BANK1: variants seen among roughly 807,000 people sequenced by gnomAD.
BANK1 encodes B cell scaffold protein with ankyrin repeats 1.
Under a neutral mutation model 94.5 loss-of-function variants are expected in BANK1, and 95 were observed. The observed-to-expected ratio is 1.00, with a 90% CI of 0.85 to 1.19. BANK1 has a LOEUF of 1.19. Among genes scored for constraint, BANK1 ranks in the 50% most tolerant of loss-of-function variants. BANK1 has a pLI of 0.00. For synonymous variants in BANK1, 334 were observed against 308.4 expected, an observed-to-expected ratio of 1.08 and a Z score of -0.87; for missense variants, 987 against 932.2, an observed-to-expected ratio of 1.06 and a Z score of -0.77.
At chr4:101,980,008 T>G (rs781755611) in intron 7 of BANK1, among the ~76,000 whole-genome samples, 5 of 151,900 alleles carry the variant, frequency 3.3e-5, no homozygotes, top group Non-Finnish European at 5.9e-5. Flanking sequence ...GACTTGTTAG[T>G]CCTTTACTTC....
chr4:101,951,704 G>C (rs1042126845), intron 7 of BANK1, among the ~76,000 whole-genome samples: 3 of 151,924 alleles, frequency 2.0e-5, no homozygotes, highest in Non-Finnish European at 4.4e-5. Context: ...ATTTGTTTTT[G>C]CTCTGATAAA....
chr4:101,792,468 TG>T (rs772244109), intron 1 of BANK1, among the ~76,000 whole-genome samples: 5,777 of 47,420 alleles, frequency 0.12, 188 homozygotes, highest in African/African-American at 0.14. Flanking sequence ...TGTGTGTGTG[TG>T]TTTTTTTTTT....
intron 1 of BANK1, among the ~76,000 whole-genome samples, chr4:101,796,919 A>T (rs1381628004): frequency 6.6e-6 from 1 of 152,150 alleles, no homozygotes; most frequent in Non-Finnish European, 1.5e-5. Flanking sequence ...ATGAGATATA[A>T]AACTAGGGAT....
chr4:101,986,817 A>ATATGTGTATATATATGTATATG (rs1725499134), intron 7 of BANK1, among the ~76,000 whole-genome samples: 1 of 136,932 alleles, frequency 7.3e-6, no homozygotes, highest in Non-Finnish European at 1.5e-5. Flanking sequence ...ATATGTATAT[A>ATATGTGTATATATATGTATATG]TATGTGTATA....
intron 7 of BANK1, among the ~76,000 whole-genome samples, chr4:101,980,474 T>C (rs953303941): frequency 1.3e-5 from 2 of 151,914 alleles, no homozygotes; most frequent in Non-Finnish European, 2.9e-5. Flanking sequence ...TGTTCTCTTT[T>C]TCTGTTCATA....
At chr4:101,872,067 C>G (rs4639076) in intron 5 of BANK1, among the ~76,000 whole-genome samples, 66,606 of 151,710 alleles carry the variant, frequency 0.44, 15,450 homozygotes, top group African/African-American at 0.59. Context: ...AGGGTCATTG[C>G]TTTTCTCAAG....
chr4:102,017,395 C>T (rs1726740759), intron 7 of BANK1, among the ~76,000 whole-genome samples: 1 of 152,150 alleles, frequency 6.6e-6, no homozygotes, highest in African/African-American at 2.4e-5. Flanking sequence ...GCCTGATATT[C>T]ATAACTGTAG....
intron 1 of BANK1, among the ~76,000 whole-genome samples, chr4:101,819,813 A>G (rs1236057800): frequency 6.6e-6 from 1 of 151,552 alleles, no homozygotes; most frequent in Non-Finnish European, 1.5e-5. Context: ...AGAACACTCT[A>G]GAGTAGAGGT....
rs10516487 is a variant in BANK1, at chr4:101,829,919, G to T, written c.182G>T (p.Arg61Leu). The change falls in exon 2 of 17, where the codon CGC (arginine) becomes CTC (leucine). Residue 61 changes from arginine to leucine, a missense_variant. Arg to Leu is a moderately radical substitution (Grantham distance 102). Transcript: ENST00000322953. Reference protein sequence around the residue: ...VVKREAILLYRLENFSFRHLE... With the variant: ...VVKREAILLYLLENFSFRHLE... ...AAAAGGGAAGCCATCCTGTTATATC[G>T]CTTGGAGAATTTCTCTTTTCGGCAT... is the stretch of plus-strand genomic sequence containing the variant. The T allele has an allele frequency of 4.3e-6, 7 of 1,613,570 alleles. No individual in the cohort carries two copies. The East Asian group carries it at 6.7e-5, about 15-fold the overall frequency.
chr4:101,818,471 A>G (rs899070872), intron 1 of BANK1, among the ~76,000 whole-genome samples: 1 of 152,098 alleles, frequency 6.6e-6, no homozygotes, highest in Non-Finnish European at 1.5e-5. Flanking sequence ...AATAACCACC[A>G]TTATATCTTC....
At chr4:101,821,278 G>T (rs929900854) in intron 1 of BANK1, among the ~76,000 whole-genome samples, 7 of 151,996 alleles carry the variant, frequency 4.6e-5, no homozygotes, top group African/African-American at 1.2e-4. Context: ...CATGTCCTTT[G>T]CCCACTTTTT....
intron 5 of BANK1, among the ~76,000 whole-genome samples, chr4:101,879,335 C>A (rs1728595255): frequency 6.6e-6 from 1 of 151,896 alleles, no homozygotes; most frequent in South Asian, 2.1e-4. Flanking sequence ...TATATACCAA[C>A]AAAGTGGAAA....
Position 101,826,775 on chromosome 4 carries a change from C to A in BANK1, c.71-3033C>A, listed in dbSNP as rs1225475143. On this transcript the variant is annotated intron_variant, in intron 1 of 16. Coordinates refer to ENST00000322953, the MANE Select transcript of BANK1 (RefSeq NM_017935.5). ...AGATGTTTTTTTCTCATTCTACATA[C>A]ATAAATATGTAAAAAAAAGTTGTTG... 2.6e-5 allele frequency among the ~76,000 whole-genome samples: 4 copies of A among 151,856 alleles called. No homozygotes were observed. In the East Asian group the frequency reaches 7.7e-4, roughly 29 times the overall value.
intron 10 of BANK1, among the ~76,000 whole-genome samples, chr4:102,035,573 G>A (rs1441010548): frequency 3.3e-5 from 5 of 150,592 alleles, no homozygotes; most frequent in East Asian, 2.0e-4. Flanking sequence ...GCATGAACCC[G>A]GGAGGCAGAG....
At chr4:101,876,253 T>A (rs898356015) in intron 5 of BANK1, among the ~76,000 whole-genome samples, 10 of 152,162 alleles carry the variant, frequency 6.6e-5, no homozygotes, top group African/African-American at 2.4e-4. Flanking sequence ...ACTCATCACA[T>A]TCCCAGCTGT....
chr4:102,072,345 G>A lies in BANK1; in HGVS notation c.2243G>A (p.Gly748Asp), dbSNP rs773120145. ...NKLTIVHHPG[G>D]KETAHNENKF... Reference sequence around the variant, plus strand: ...GTAATAACTGAGTTTGTATTTCTAGGTAAGGAAACTGCCCACAATGAAAAT... The same window carrying A: ...GTAATAACTGAGTTTGTATTTCTAGATAAGGAAACTGCCCACAATGAAAAT... The change falls in exon 15 of 17, where the codon GGT becomes GAT. Residue 748 changes from glycine to aspartate, a missense_variant and splice_region_variant. Physicochemically the swap from Gly to Asp is moderately conservative, Grantham distance 94. Transcript: ENST00000322953. 1 of 1,584,876 alleles carries A rather than the reference G, an allele frequency of 6.3e-7. No homozygotes were observed. The highest frequency in any genetic ancestry group is 1.7e-5 in the Admixed American group (1 of 59,686).
At chr4:101,943,021 A>G (rs1321425006) in intron 7 of BANK1, among the ~76,000 whole-genome samples, 9 of 152,038 alleles carry the variant, frequency 5.9e-5, no homozygotes, top group Middle Eastern at 3.4e-3. Flanking sequence ...TTGAATTCCA[A>G]TGAGCCAATG....
intron 11 of BANK1, among the ~76,000 whole-genome samples, chr4:102,055,207 G>T (rs1275566363): frequency 3.3e-5 from 5 of 151,726 alleles, no homozygotes; most frequent in Non-Finnish European, 2.9e-5. Context: ...TCAAATAAGA[G>T]AATTTTTATA....
chr4:101,965,708 G>A (rs1724728742), intron 7 of BANK1, among the ~76,000 whole-genome samples: 1 of 151,948 alleles, frequency 6.6e-6, no homozygotes, highest in Non-Finnish European at 1.5e-5. Context: ...AAAAACCACA[G>A]CTCTCATATT....
Sources: gnomAD v4.1 joint callset for allele counts (sites outside exome capture counted in the v4.1 genomes callset) on GRCh38, gnomAD v4.1.1 for gene constraint, MANE v1.5 for transcripts, NCBI Gene and HGNC (gene_info 2026-07-23, HGNC 2026-07-21) for gene names.